Variants in NDUFAF6 observed in about 807,000 individuals in gnomAD.
NDUFAF6 encodes NADH dehydrogenase (ubiquinone) complex I, assembly factor 6.
Under a neutral mutation model 40.8 loss-of-function variants are expected in NDUFAF6, and 45 were observed. That is an observed-to-expected ratio of 1.10 (90% CI 0.87 to 1.42). The LOEUF (loss-of-function observed/expected upper bound fraction) is 1.42. Among genes scored for constraint, NDUFAF6 ranks in the 40% most tolerant of loss-of-function variants. NDUFAF6 has a pLI of 0.00. For missense variants in NDUFAF6, 435 were observed against 418.5 expected, an observed-to-expected ratio of 1.04 and a Z score of -0.34; for synonymous variants, 185 against 155.9, an observed-to-expected ratio of 1.19 and a Z score of -1.39.
intron 2 of NDUFAF6, among the ~76,000 whole-genome samples, chr8:95,011,536 G>A (rs1827227211): frequency 6.6e-6 from 1 of 152,170 alleles, no homozygotes; most frequent in Non-Finnish European, 1.5e-5. Flanking sequence ...GTGACATTTG[G>A]GAGCTGAATA....
intron 1 of NDUFAF6, among the ~76,000 whole-genome samples, chr8:94,921,112 A>G (rs1176805217): frequency 6.6e-6 from 1 of 152,258 alleles, no homozygotes; most frequent in Non-Finnish European, 1.5e-5. Flanking sequence ...AAGGAATTTT[A>G]TCTCACATAA....
intron 2 of NDUFAF6, among the ~76,000 whole-genome samples, chr8:94,946,117 T>C (rs1212420917): frequency 6.7e-6 from 1 of 148,790 alleles, no homozygotes; most frequent in Non-Finnish European, 1.5e-5. Flanking sequence ...TTTTTTTTTT[T>C]CTTCTACACA....
rs1294134246 is a variant in NDUFAF6, at chr8:94,938,771, A to G, written c.-935-6712A>G. Among the ~76,000 whole-genome samples the G allele has an allele frequency of 2.0e-5, 3 of 152,166 alleles. No homozygotes were observed. The East Asian group carries it at 5.8e-4, about 29-fold the overall frequency. On this transcript the variant is annotated intron_variant, in intron 1 of 14. Coordinates refer to the NDUFAF6 transcript ENST00000396113. ...GCATCCCTTCATCTGTATCCTTTTTAATAAACTGGTAAACATGTTCCCCCA... is the reference window on the plus strand; with the variant it reads ...GCATCCCTTCATCTGTATCCTTTTTGATAAACTGGTAAACATGTTCCCCCA...
intron 2 of NDUFAF6, among the ~76,000 whole-genome samples, chr8:95,084,846 G>C (rs997727821): frequency 6.6e-6 from 1 of 152,208 alleles, no homozygotes; most frequent in Admixed American, 6.5e-5. Flanking sequence ...TAGAACTTGA[G>C]AAAGAACTGG....
At chr8:95,007,663 T>TG (rs1368650859) in intron 2 of NDUFAF6, among the ~76,000 whole-genome samples, 1 of 145,790 alleles carries the variant, frequency 6.9e-6, no homozygotes, top group Non-Finnish European at 1.5e-5. Context: ...GGCTCTGTTT[T>TG]TTTTTTTTTT....
At chr8:95,052,669 A>G (rs1433053386) in intron 8 of NDUFAF6, among the ~76,000 whole-genome samples, 1 of 152,144 alleles carries the variant, frequency 6.6e-6, no homozygotes, top group Non-Finnish European at 1.5e-5. Context: ...CAGTTCCAGA[A>G]CAGTGGTTCA....
At chr8:94,976,501 CAAAAAAAAA>C (rs35323204) in intron 1 of NDUFAF6, among the ~76,000 whole-genome samples, 3 of 91,946 alleles carry the variant, frequency 3.3e-5, no homozygotes, top group East Asian at 6.7e-4. Flanking sequence ...CACTCCATCT[CAAAAAAAAA>C]AAAAAAAAAA....
chr8:94,987,157 T>G (rs1437285229), intron 2 of NDUFAF6, among the ~76,000 whole-genome samples: 3 of 152,258 alleles, frequency 2.0e-5, no homozygotes, highest in Non-Finnish European at 1.5e-5. Context: ...TCTTTCTTTA[T>G]GGGTTTTCTA....
upstream of NDUFAF6, chr8:95,024,927 C>T (rs955730132): frequency 1.7e-5 from 20 of 1,178,514 alleles, no homozygotes; most frequent in South Asian, 3.2e-5. Context: ...CTCAAAGGAG[C>T]ATAGGGGAAC....
intron 1 of NDUFAF6, among the ~76,000 whole-genome samples, chr8:94,916,312 G>C (rs1330348929): frequency 1.3e-5 from 2 of 152,136 alleles, no homozygotes; most frequent in African/African-American, 4.8e-5. Flanking sequence ...TGGGATTAGT[G>C]CCAGCCAGCA....
chr8:95,083,112 C>A (rs754509416), intron 2 of NDUFAF6, among the ~76,000 whole-genome samples: 1 of 152,172 alleles, frequency 6.6e-6, no homozygotes, highest in African/African-American at 2.4e-5. Context: ...AGGGTTTTAT[C>A]TGTCTTTGTT....
intron 2 of NDUFAF6, among the ~76,000 whole-genome samples, chr8:95,012,667 T>TAAATAAATAAATAAATAAAC (rs753278652): frequency 0.086 from 12,977 of 150,052 alleles, 716 homozygotes; most frequent in Middle Eastern, 0.19. Flanking sequence ...AATAAATAAA[T>TAAATAAATAAATAAATAAAC]AAACAAATAA....
At chr8:95,088,883 C>G (rs1036550464) in intron 2 of NDUFAF6, among the ~76,000 whole-genome samples, 1 of 152,022 alleles carries the variant, frequency 6.6e-6, no homozygotes, top group Non-Finnish European at 1.5e-5. Context: ...ACCTCAGCCT[C>G]CTGAGTAGCT....
At chr8:95,056,272 A>G (rs1020688774) in intron 8 of NDUFAF6, among the ~76,000 whole-genome samples, 3 of 150,084 alleles carry the variant, frequency 2.0e-5, no homozygotes, top group Non-Finnish European at 3.0e-5. Flanking sequence ...CACCCAGGCT[A>G]GAGTGCAGGC....
At chr8:95,104,422 C>T (rs999162635), downstream of NDUFAF6, among the ~76,000 whole-genome samples, 9 of 152,172 alleles carry the variant, frequency 5.9e-5, no homozygotes, top group Non-Finnish European at 1.3e-4. Context: ...ACCTACTTGC[C>T]TGGTCCCTGT....
chr8:94,908,604 A>G (rs572355203), intron 1 of NDUFAF6, among the ~76,000 whole-genome samples: 1 of 152,284 alleles, frequency 6.6e-6, no homozygotes, highest in South Asian at 2.1e-4. Flanking sequence ...TCCTGGCCTG[A>G]AGTAATCCTC....
chr8:94,934,098 A>T (rs78196972), intron 1 of NDUFAF6, among the ~76,000 whole-genome samples: 1 of 151,888 alleles, frequency 6.6e-6, no homozygotes, highest in Non-Finnish European at 1.5e-5. Flanking sequence ...AAAGAAGTAT[A>T]TATGGCATGT....
In NDUFAF6 at chr8:95,058,171, T is replaced by A. The variant is rs1832426462; in HGVS notation, c.*234T>A. 3.5e-6 allele frequency: 5 copies of A among 1,423,018 alleles called. No homozygotes were observed. The highest frequency in any genetic ancestry group is 3.6e-6 in the Non-Finnish European group (4 of 1,098,102). The allele number at this position is 1,423,018 out of a possible 1,614,324, so 88.1% of individuals were successfully genotyped here. A position where few individuals can be genotyped will look rare whatever the true frequency, so the allele number is the denominator to read the frequency against. Reference sequence around the variant, plus strand: ...GGCCCAGACAGTGTCTGCTGTGCTGTCCCTGGAAGCTGGAGCTCCAACAGG... The same window carrying A: ...GGCCCAGACAGTGTCTGCTGTGCTGACCCTGGAAGCTGGAGCTCCAACAGG... On this transcript the variant is annotated 3_prime_UTR_variant, in exon 9 of 9. Transcript: ENST00000396124.
At chr8:95,088,014 C>G (rs1171640608) in intron 2 of NDUFAF6, 1 of 152,360 alleles carries the variant, frequency 6.6e-6, no homozygotes. Flanking sequence ...ATAAACTCTT[C>G]TTGGCAGCAC....
Sources: allele counts gnomAD v4.1 joint callset (sites outside exome capture counted in the v4.1 genomes callset), GRCh38; gene constraint gnomAD v4.1.1; transcripts MANE v1.5; gene names NCBI Gene and HGNC (gene_info 2026-07-23, HGNC 2026-07-21).